SNX29: variants seen among roughly 807,000 people sequenced by gnomAD.
SNX29 encodes the protein sorting nexin-29.
In SNX29, 78 loss-of-function variants were observed where a neutral mutation model predicts 102.1. The observed-to-expected ratio is 0.76, with a 90% confidence interval of 0.64 to 0.92. The LOEUF is 0.92. SNX29 is among the 40% of genes least tolerant of loss of function. The pLI is 0.00. For missense variants in SNX29, 1,280 were observed against 1,061.7 expected, an observed-to-expected ratio of 1.21 and a Z score of -2.86; for synonymous variants, 580 against 414.5, an observed-to-expected ratio of 1.40 and a Z score of -4.85.
intron 14 of SNX29, among the ~76,000 whole-genome samples, chr16:12,213,104 A>AC (rs964964678): frequency 5.9e-5 from 9 of 152,050 alleles, no homozygotes; most frequent in African/African-American, 1.9e-4. Context: ...ACAGAGTGAG[A>AC]CTCTGTCTCA....
At chr16:12,472,844 A>G (rs2087424435) in intron 18 of SNX29, among the ~76,000 whole-genome samples, 1 of 152,138 alleles carries the variant, frequency 6.6e-6, no homozygotes, top group South Asian at 2.1e-4. Flanking sequence ...AAATCTTCAG[A>G]TTTGAACTTC....
At chr16:12,365,335 T>TGG (rs1488300984) in intron 16 of SNX29, among the ~76,000 whole-genome samples, 1 of 145,658 alleles carries the variant, frequency 6.9e-6, no homozygotes, top group Non-Finnish European at 1.5e-5. Flanking sequence ...TTTGTGTGTG[T>TGG]GTGTGTGTGT....
At chr16:12,058,744 A>T (rs2050632160) in intron 8 of SNX29, among the ~76,000 whole-genome samples, 1 of 147,484 alleles carries the variant, frequency 6.8e-6, no homozygotes, top group Non-Finnish European at 1.5e-5. Context: ...TCTACCCGCC[A>T]CGGCCTCCCA....
intron 18 of SNX29, among the ~76,000 whole-genome samples, chr16:12,420,706 A>C (rs1180163852): frequency 6.6e-6 from 1 of 152,238 alleles, no homozygotes; most frequent in Non-Finnish European, 1.5e-5. Flanking sequence ...AAAGCCACTT[A>C]GTAGGACTGG....
intron 15 of SNX29, among the ~76,000 whole-genome samples, chr16:12,333,429 T>G (rs557157069): frequency 6.6e-6 from 1 of 152,186 alleles, no homozygotes; most frequent in Admixed American, 6.5e-5. Context: ...TTTACAACTC[T>G]TAGGATGTTG....
At chr16:12,282,231 T>C (rs1596747451) in intron 15 of SNX29, among the ~76,000 whole-genome samples, 2 of 151,974 alleles carry the variant, frequency 1.3e-5, no homozygotes, top group Admixed American at 1.3e-4. Flanking sequence ...AGACGATCAC[T>C]ACCGATGTTC....
chr16:12,399,912 CAA>C (rs1299716615), intron 17 of SNX29, among the ~76,000 whole-genome samples: 7 of 152,040 alleles, frequency 4.6e-5, no homozygotes, highest in African/African-American at 1.7e-4. Context: ...ACTGGGAAGA[CAA>C]GAGAGAGCCA....
chr16:12,291,573 C>G (rs2079796467), intron 15 of SNX29, among the ~76,000 whole-genome samples: 1 of 152,170 alleles, frequency 6.6e-6, no homozygotes, highest in Admixed American at 6.5e-5. Context: ...TGTGATCACC[C>G]CTGGGCACAT....
intron 18 of SNX29, among the ~76,000 whole-genome samples, chr16:12,437,218 A>G (rs1303839214): frequency 2.6e-5 from 4 of 151,966 alleles, no homozygotes; most frequent in Admixed American, 6.6e-5. Context: ...TTTTCCTCCT[A>G]TTTTTCATGC....
chr16:12,451,569 A>C (rs947978927), intron 18 of SNX29, among the ~76,000 whole-genome samples: 5 of 152,248 alleles, frequency 3.3e-5, no homozygotes, highest in Admixed American at 6.5e-5. Flanking sequence ...GGTTGCATTC[A>C]AGAAACGGAT....
chr16:12,569,685 G>A lies in SNX29; in HGVS notation c.*1056G>A, dbSNP rs1207707237. ...TGTCAGGTGGCTCTCAGAGTACAGG[G>A]ACCTTGGCAGGTGGAGAGGAGGATG... On this transcript the variant is annotated 3_prime_UTR_variant, in exon 21 of 21. Transcript: ENST00000566228. 4.3e-6 allele frequency: 1 copy of A among 230,088 alleles called. No individual in the cohort carries two copies. The highest frequency in any genetic ancestry group is 2.2e-5 in the African/African-American group (1 of 45,138). The allele number at this position is 230,088 out of a possible 1,614,324, so 14.3% of individuals were successfully genotyped here.
At chr16:12,117,663 C>T (rs57863784) in intron 11 of SNX29, among the ~76,000 whole-genome samples, 3,263 of 152,222 alleles carry the variant, frequency 0.021, 111 homozygotes, top group African/African-American at 0.075. Flanking sequence ...TTTGCTTTGG[C>T]GTGGTAGAAA....
intron 20 of SNX29, among the ~76,000 whole-genome samples, chr16:12,547,400 C>A (rs937569736): frequency 6.6e-6 from 1 of 152,106 alleles, no homozygotes. Context: ...GGTGATAGAA[C>A]AGGTAGTTAG....
chr16:12,399,329 G>T lies in SNX29; in HGVS notation c.1955+828G>T, dbSNP rs938010054. 2.6e-5 allele frequency among the ~76,000 whole-genome samples: 4 copies of T among 152,208 alleles called. No homozygotes were observed. The East Asian group carries it at 7.7e-4, about 29-fold the overall frequency. ...GGCCTCCCAAAGTGCTGGGATTACA[G>T]TTGGGAGCCACCGTGCCCAGCCGAT... On this transcript the variant is annotated intron_variant, in intron 17 of 20. Coordinates refer to ENST00000566228, the MANE Select transcript of SNX29 (RefSeq NM_032167.5).
intron 18 of SNX29, among the ~76,000 whole-genome samples, chr16:12,461,978 A>AAATATATATAT (rs1555544501): frequency 7.3e-5 from 2 of 27,352 alleles, no homozygotes; most frequent in African/African-American, 1.4e-4. Flanking sequence ...AAAAAAAAAA[A>AAATATATATAT]ATATATATAT....
chr16:12,399,002 A>G (rs7203335), intron 17 of SNX29, among the ~76,000 whole-genome samples: 26,361 of 152,106 alleles, frequency 0.17, 2,604 homozygotes, highest in Middle Eastern at 0.24. Flanking sequence ...GATTGGGTTC[A>G]ATTCTATTTG....
chr16:12,110,042 T>G (rs914781250), intron 11 of SNX29, among the ~76,000 whole-genome samples: 4 of 152,164 alleles, frequency 2.6e-5, no homozygotes, highest in African/African-American at 9.7e-5. Flanking sequence ...GTCTTTAAAA[T>G]GAGTGTGATC....
At chr16:12,428,508 G>A (rs1366711524) in intron 18 of SNX29, among the ~76,000 whole-genome samples, 2 of 152,206 alleles carry the variant, frequency 1.3e-5, no homozygotes, top group African/African-American at 4.8e-5. Context: ...GACTCACATA[G>A]ATACAGTTGC....
chr16:12,562,926 A>C (rs566292620), intron 20 of SNX29, among the ~76,000 whole-genome samples: 1 of 152,172 alleles, frequency 6.6e-6, no homozygotes, highest in Non-Finnish European at 1.5e-5. Context: ...CCATGTTGCC[A>C]AAAACCTGCA....
Sources: allele counts gnomAD v4.1 joint callset (sites outside exome capture counted in the v4.1 genomes callset), GRCh38; gene constraint gnomAD v4.1.1; transcripts MANE v1.5; gene names NCBI Gene and HGNC (gene_info 2026-07-23, HGNC 2026-07-21).